The following FGF14 variants were observed in gnomAD, a reference collection of about 807,000 sequenced individuals.
The protein encoded by FGF14 is fibroblast growth factor 14, also known as fibroblast growth factor homologous factor 4.
FGF14 carries 5 observed loss-of-function variants against 25.5 expected under a neutral mutation model. The ratio of observed to expected loss-of-function variants is 0.20; its 90% CI spans 0.10 to 0.41. The LOEUF (loss-of-function observed/expected upper bound fraction) is 0.41, where lower values mean the gene tolerates loss of function less well. FGF14 is among the 10% of genes least tolerant of loss of function. The pLI is 1.00. For synonymous variants in FGF14, 138 were observed against 118.3 expected (o/e 1.17, Z -1.08); for missense variants, 222 against 320.1 (o/e 0.69, Z 2.34).
intron 1 of FGF14, among the ~76,000 whole-genome samples, chr13:102,281,432 C>T (rs541488360): frequency 6.6e-6 from 1 of 152,208 alleles, no homozygotes; most frequent in East Asian, 1.9e-4. Context: ...TTGGTCCCAC[C>T]TCATCTCCCT....
intron 1 of FGF14, among the ~76,000 whole-genome samples, chr13:101,910,892 G>GTA (rs2032862496): frequency 7.8e-6 from 1 of 128,900 alleles, no homozygotes; most frequent in Non-Finnish European, 1.6e-5. Flanking sequence ...GTGTGTGTGT[G>GTA]TTTTAGTTGT....
At chr13:101,836,481 A>C (rs933958396) in intron 3 of FGF14, among the ~76,000 whole-genome samples, 8 of 152,114 alleles carry the variant, frequency 5.3e-5, no homozygotes, top group Admixed American at 2.0e-4. Flanking sequence ...GACCTACCTG[A>C]GGTAACAACC....
intron 1 of FGF14, among the ~76,000 whole-genome samples, chr13:101,941,484 C>T (rs1030589650): frequency 5.9e-5 from 9 of 152,152 alleles, no homozygotes; most frequent in African/African-American, 1.9e-4. Context: ...TTTACAAGTA[C>T]AAATTTCAAG....
intron 1 of FGF14, among the ~76,000 whole-genome samples, chr13:102,167,350 A>G (rs1407268782): frequency 6.7e-6 from 1 of 149,548 alleles, no homozygotes; most frequent in Non-Finnish European, 1.5e-5. Context: ...TTGTTACCTC[A>G]GGTTGCGTCT....
intron 1 of FGF14, among the ~76,000 whole-genome samples, chr13:102,272,906 T>G (rs1364273806): frequency 6.6e-6 from 1 of 152,208 alleles, no homozygotes; most frequent in East Asian, 1.9e-4. Context: ...TTGATAAGAC[T>G]TTTAAAGATA....
intron 1 of FGF14, among the ~76,000 whole-genome samples, chr13:102,315,888 T>A (rs549748043): frequency 1.2e-4 from 18 of 152,264 alleles, no homozygotes; most frequent in African/African-American, 3.4e-4. Context: ...CAAGATATTT[T>A]AAAAAAAACC....
intron 3 of FGF14, among the ~76,000 whole-genome samples, chr13:101,816,269 C>CAGAAAAAAAAAAAAAAAAAAAAAAAAAA (rs2041844507): frequency 1.1e-5 from 1 of 89,052 alleles, no homozygotes; most frequent in Admixed American, 1.2e-4. Flanking sequence ...GACTCCGTCT[C>CAGAAAAAAAAAAAAAAAAAAAAAAAAAA]AAAAAAAAAA....
chr13:101,774,725 T>G (rs369895694), intron 3 of FGF14, among the ~76,000 whole-genome samples: 18 of 152,154 alleles, frequency 1.2e-4, no homozygotes, highest in Admixed American at 4.6e-4. Flanking sequence ...AAATTGGAAC[T>G]TATGAAGGTG....
intron 1 of FGF14, among the ~76,000 whole-genome samples, chr13:102,071,093 G>C (rs1401443056): frequency 1.3e-5 from 2 of 152,164 alleles, no homozygotes; most frequent in Non-Finnish European, 2.9e-5. Context: ...ATCAGCCAAA[G>C]TACTTTCTCT....
chr13:102,353,543 T>G (rs2057345243), intron 1 of FGF14, among the ~76,000 whole-genome samples: 2 of 152,356 alleles, frequency 1.3e-5, no homozygotes, highest in Non-Finnish European at 2.9e-5. Context: ...AGGTGCCTCC[T>G]GGTACAATCA....
At chr13:101,996,063 CATG>C (rs2039165266) in intron 1 of FGF14, among the ~76,000 whole-genome samples, 1 of 152,118 alleles carries the variant, frequency 6.6e-6, no homozygotes, top group Non-Finnish European at 1.5e-5. Context: ...CCCCATTCTC[CATG>C]ATATGTTTAT....
At chr13:101,853,602 C>A (rs1304998399) in intron 3 of FGF14, among the ~76,000 whole-genome samples, 1 of 151,912 alleles carries the variant, frequency 6.6e-6, no homozygotes, top group Non-Finnish European at 1.5e-5. Flanking sequence ...GTGCACACTA[C>A]CACACCTGGA....
intron 1 of FGF14, among the ~76,000 whole-genome samples, chr13:101,968,107 T>C (rs944569427): frequency 2.0e-5 from 3 of 152,220 alleles, no homozygotes; most frequent in Non-Finnish European, 4.4e-5. Flanking sequence ...GAATCTATAA[T>C]TGATTACATT....
intron 3 of FGF14, among the ~76,000 whole-genome samples, chr13:101,831,825 G>C (rs531805968): frequency 2.6e-5 from 4 of 152,140 alleles, no homozygotes; most frequent in African/African-American, 9.6e-5. Flanking sequence ...TTCTGTGCTA[G>C]AGTAAAATCT....
chr13:102,187,685 T>C (rs2048931617), intron 1 of FGF14, among the ~76,000 whole-genome samples: 1 of 152,140 alleles, frequency 6.6e-6, no homozygotes, highest in African/African-American at 2.4e-5. Flanking sequence ...AGACATACCA[T>C]GAAACAGATT....
chr13:101,766,605 G>A (rs2038410974), intron 3 of FGF14, among the ~76,000 whole-genome samples: 1 of 152,166 alleles, frequency 6.6e-6, no homozygotes, highest in South Asian at 2.1e-4. Context: ...GCAGTACTGG[G>A]CTGAAGAGTG....
intron 1 of FGF14, among the ~76,000 whole-genome samples, chr13:102,031,738 G>A (rs1051665950): frequency 6.6e-6 from 1 of 151,016 alleles, no homozygotes; most frequent in African/African-American, 2.4e-5. Context: ...GTCCATAAAT[G>A]GGTCCCCTAA....
chr13:101,811,590 G>A (rs2041512679), intron 3 of FGF14, among the ~76,000 whole-genome samples: 1 of 152,182 alleles, frequency 6.6e-6, no homozygotes, highest in Admixed American at 6.5e-5. Flanking sequence ...CATTTTTTAT[G>A]TGTACACATA....
chr13:102,106,612 AAAAG>A (rs1446746211), intron 1 of FGF14, among the ~76,000 whole-genome samples: 11 of 151,362 alleles, frequency 7.3e-5, no homozygotes, highest in South Asian at 2.1e-4. Flanking sequence ...GGGAGAGAGA[AAAAG>A]AAAGAAAGAG....
Sources: allele counts gnomAD v4.1 joint callset (sites outside exome capture counted in the v4.1 genomes callset), GRCh38; gene constraint gnomAD v4.1.1; transcripts MANE v1.5; gene names NCBI Gene and HGNC (gene_info 2026-07-23, HGNC 2026-07-21).